Variants in ATP10A observed in about 807,000 individuals in gnomAD.
ATP10A encodes phospholipid-transporting ATPase VA.
Under a neutral mutation model 147.8 loss-of-function variants are expected in ATP10A, and 111 were observed. The observed-to-expected ratio is 0.75, with a 90% CI of 0.64 to 0.88. ATP10A has a LOEUF of 0.88. Ranked by LOEUF, ATP10A falls within the 40% of genes least tolerant of loss-of-function variation. The pLI is 0.00. For missense variants in ATP10A, 1,927 were observed against 1,959.0 expected, an observed-to-expected ratio of 0.98 and a Z score of 0.31; for synonymous variants, 875 against 841.6, an observed-to-expected ratio of 1.04 and a Z score of -0.69.
At chr15:25,687,454 C>T (rs888753049) in intron 16 of ATP10A, among the ~76,000 whole-genome samples, 2 of 151,918 alleles carry the variant, frequency 1.3e-5, no homozygotes, top group Non-Finnish European at 1.5e-5. Flanking sequence ...AGTGGACTTG[C>T]TAGTGTTATC....
Position 25,735,811 on chromosome 15 carries a change from G to T in ATP10A, c.740+245C>A, listed in dbSNP as rs529426740. ...GGGGCCTGCTAGCGGGAGGAAAAGC[G>T]GTACCTCCTCCTCACAGATGGTAGT... On this transcript the variant is annotated intron_variant, in intron 3 of 20. Transcript: ENST00000555815. 4.5e-4 allele frequency among the ~76,000 whole-genome samples: 68 copies of T among 152,212 alleles called. 1 individual carries two copies. Among genetic ancestry groups the T allele is most frequent in the African/African-American group, 1.6e-3 (67 of 41,532 alleles).
At chr15:25,717,280 A>G (rs1304134539) in intron 8 of ATP10A, among the ~76,000 whole-genome samples, 1 of 152,234 alleles carries the variant, frequency 6.6e-6, no homozygotes, top group Non-Finnish European at 1.5e-5. Flanking sequence ...ATTTAAAAAC[A>G]CATTTTAACA....
intron 2 of ATP10A, among the ~76,000 whole-genome samples, chr15:25,774,065 T>C (rs1889481262): frequency 6.6e-6 from 1 of 151,746 alleles, no homozygotes; most frequent in Non-Finnish European, 1.5e-5. Context: ...AGTGAAAATA[T>C]AGTTAAAGAG....
At chr15:25,800,673 A>G (rs1890896671) in intron 1 of ATP10A, among the ~76,000 whole-genome samples, 1 of 152,170 alleles carries the variant, frequency 6.6e-6, no homozygotes, top group Non-Finnish European at 1.5e-5. Context: ...AAACACGAAC[A>G]CTTGAAGATG....
Position 25,726,142 on chromosome 15 carries a change from A to G in ATP10A, c.848-60T>C, listed in dbSNP as rs1292928672. 1.7e-5 allele frequency: 26 copies of G among 1,575,046 alleles called. No individual in the cohort carries two copies. In the South Asian group the frequency reaches 2.3e-4, roughly 14 times the overall value. On this transcript the variant is annotated intron_variant, in intron 4 of 20. Transcript: ENST00000555815. ...AGACTGGAGCTAAGGGACCAGCTGCATGGATGGCGTGGAGGGAATTCCATG... is the reference window on the plus strand; with the variant it reads ...AGACTGGAGCTAAGGGACCAGCTGCGTGGATGGCGTGGAGGGAATTCCATG...
At chr15:25,862,057 C>T (rs1235382371) in intron 1 of ATP10A, 1 of 332,804 alleles carries the variant, frequency 3.0e-6, no homozygotes, top group East Asian at 9.5e-5. Context: ...ATTAGGCAGG[C>T]AGCTACCGGG....
At chr15:25,768,610 C>T (rs1162093815) in intron 2 of ATP10A, among the ~76,000 whole-genome samples, 1 of 148,176 alleles carries the variant, frequency 6.7e-6, no homozygotes, top group Non-Finnish European at 1.5e-5. Flanking sequence ...ATGGCACAAT[C>T]TAGGCTTACT....
At chr15:25,712,272 G>C (rs574667108) in intron 10 of ATP10A, among the ~76,000 whole-genome samples, 2 of 152,318 alleles carry the variant, frequency 1.3e-5, no homozygotes, top group South Asian at 4.1e-4. Flanking sequence ...CTTTTTGTGT[G>C]TGTTCTGCTT....
intron 1 of ATP10A, among the ~76,000 whole-genome samples, chr15:25,793,853 C>T (rs1027222247): frequency 4.3e-4 from 65 of 152,290 alleles, no homozygotes; most frequent in African/African-American, 1.5e-3. Flanking sequence ...CAGACCTCTG[C>T]AAGCCCAAGT....
Position 25,718,590 on chromosome 15 carries a change from C to A in ATP10A, c.1364-191G>T, listed in dbSNP as rs565025359. On this transcript the variant is annotated intron_variant, in intron 7 of 20. Coordinates refer to ENST00000555815, the MANE Select transcript of ATP10A (RefSeq NM_024490.4). ...GCTGCAACCTGGGGAGGTTGATATT[C>A]TCAACTCTGTTTCACAGAGACTGAC... Among the ~76,000 whole-genome samples the A allele has an allele frequency of 4.4e-4, 67 of 152,312 alleles. 2 individuals are homozygous for A. In the South Asian group the frequency reaches 0.013, roughly 31 times the overall value.
intron 1 of ATP10A, among the ~76,000 whole-genome samples, chr15:25,842,096 G>T (rs1380217573): frequency 6.6e-6 from 1 of 152,188 alleles, no homozygotes; most frequent in Non-Finnish European, 1.5e-5. Context: ...AAGCCCCTGG[G>T]TCTGGGTCTC....
At chr15:25,760,057 C>T (rs1888675425) in intron 2 of ATP10A, among the ~76,000 whole-genome samples, 2 of 151,774 alleles carry the variant, frequency 1.3e-5, no homozygotes, top group Non-Finnish European at 2.9e-5. Flanking sequence ...ACCTCCAACT[C>T]CTGGGTTCAA....
chr15:25,727,369 T>G, intron 3 of ATP10A, 103 bp from the exon 4 acceptor site: 1 of 1,022,404 alleles, frequency 9.8e-7, no homozygotes, highest in South Asian at 1.4e-5. Flanking sequence ...AATGAAAGCT[T>G]GGGGCCGCTG....
chr15:25,687,654 G>A, intron 16 of ATP10A, 49 bp downstream of exon 16: 8 of 1,343,368 alleles, frequency 6.0e-6, no homozygotes, highest in Non-Finnish European at 7.8e-6. Flanking sequence ...ATGGTCCTAA[G>A]AACCGAACCT....
chr15:25,847,609 CTTTTTTTTTTTTTTTTTTTTTTTTTTTT>C (rs34212354), intron 1 of ATP10A, among the ~76,000 whole-genome samples: 4 of 40,738 alleles, frequency 9.8e-5, no homozygotes, highest in Middle Eastern at 0.019. Flanking sequence ...CAGCTACAGC[CTTTTTTTTTTTTTTTTTTTTTTTTTTTT>C]TTTTTTTTTT....
intron 1 of ATP10A, among the ~76,000 whole-genome samples, chr15:25,859,377 T>G (rs1380481189): frequency 6.6e-6 from 1 of 152,102 alleles, no homozygotes; most frequent in Admixed American, 6.5e-5. Context: ...GCTCACTGAG[T>G]GGCAGGGTCT....
At chr15:25,726,447 C>CT (rs111819076) in intron 4 of ATP10A, among the ~76,000 whole-genome samples, 18,947 of 141,964 alleles carry the variant, frequency 0.13, 1,720 homozygotes, top group East Asian at 0.26. Flanking sequence ...TGCTTTTTTT[C>CT]TTTTTTTTTT....
intron 1 of ATP10A, among the ~76,000 whole-genome samples, chr15:25,857,413 C>T (rs1006246868): frequency 3.9e-5 from 6 of 152,282 alleles, no homozygotes; most frequent in Non-Finnish European, 8.8e-5. Flanking sequence ...TGCCACTGTA[C>T]TCCAGCCTAG....
chr15:25,770,227 C>T (rs1889264402), intron 2 of ATP10A, among the ~76,000 whole-genome samples: 1 of 151,750 alleles, frequency 6.6e-6, no homozygotes, highest in South Asian at 2.1e-4. Flanking sequence ...AGGGGCCCCA[C>T]CCATGTTTTC....
Sources: allele counts gnomAD v4.1 joint callset (sites outside exome capture counted in the v4.1 genomes callset), GRCh38; gene constraint gnomAD v4.1.1; transcripts MANE v1.5; gene names NCBI Gene and HGNC (gene_info 2026-07-23, HGNC 2026-07-21).